Variants in ASAP1 observed in about 807,000 individuals in gnomAD.
ASAP1 encodes the protein ArfGAP with SH3 domain, ankyrin repeat and PH domain 1, also known as arf-GAP with SH3 domain, ANK repeat and PH domain-containing protein 1.
Under a neutral mutation model 145.2 loss-of-function variants are expected in ASAP1, and 43 were observed. The ratio of observed to expected loss-of-function variants is 0.30; its 90% CI spans 0.23 to 0.38. The LOEUF (loss-of-function observed/expected upper bound fraction) is 0.38. ASAP1 is among the 10% of genes least tolerant of loss of function. ASAP1 has a pLI of 1.00. For synonymous variants in ASAP1, 546 were observed against 515.5 expected (o/e 1.06, Z -0.80); for missense variants, 1,018 against 1,355.3 (o/e 0.75, Z 3.91).
chr8:130,390,195 CACT>C (rs900344240), intron 2 of ASAP1, among the ~76,000 whole-genome samples: 1 of 152,190 alleles, frequency 6.6e-6, no homozygotes, highest in Non-Finnish European at 1.5e-5. Flanking sequence ...ACACAGTAGC[CACT>C]ACCTATAGCT....
rs531285116 is a variant in ASAP1 at position 130,432,979 on chromosome 8, C to T, written c.-28+10481G>A. Among the ~76,000 whole-genome samples, 21 of 152,320 alleles carry T rather than the reference C, an allele frequency of 1.4e-4. 1 individual carries two copies. Among genetic ancestry groups the T allele is most frequent in the African/African-American group, 5.1e-4 (21 of 41,562 alleles). The stretch of plus-strand genomic sequence containing the variant: ...GCAACCACTGTCTGCTACACCTGGT[C>T]GCTCACTCGCCCCCGCAGTATGCTG... On this transcript the variant is annotated intron_variant, in intron 1 of 29. Coordinates refer to ENST00000518721, the MANE Select transcript of ASAP1 (RefSeq NM_018482.4).
chr8:130,358,224 C>T lies in ASAP1; in HGVS notation c.60-81G>A. On this transcript the variant is annotated intron_variant, in intron 2 of 29. Transcript: ENST00000518721. The surrounding 1 kb of genome is among the most constrained non-coding windows in gnomAD (Gnocchi z 4.1). Reference sequence around the variant, plus strand: ...CCCGGGGCCGCGGGCCGCCCGGAGGCTCATGAACCCCGGCGCGCAGCCCGC... The same window carrying T: ...CCCGGGGCCGCGGGCCGCCCGGAGGTTCATGAACCCCGGCGCGCAGCCCGC... 8.7e-7 allele frequency: 1 copy of T among 1,152,302 alleles called. No individual in the cohort carries two copies. The highest frequency in any genetic ancestry group is 1.1e-6 in the Non-Finnish European group (1 of 904,162). 71.4% of individuals were successfully genotyped at this position (1,152,302 alleles called of 1,614,324 possible).
intron 3 of ASAP1, among the ~76,000 whole-genome samples, chr8:130,249,713 C>T (rs1371105347): frequency 3.3e-5 from 5 of 152,128 alleles, no homozygotes; most frequent in African/African-American, 1.2e-4. Context: ...ACCAGACACA[C>T]ATATGTATGT....
At chr8:130,335,595 C>T (rs1249004289) in intron 3 of ASAP1, among the ~76,000 whole-genome samples, 2 of 152,174 alleles carry the variant, frequency 1.3e-5, no homozygotes, top group African/African-American at 4.8e-5. Context: ...GAGCATACAA[C>T]CACCCTAGTG....
chr8:130,267,134 CAAA>C (rs990415215), intron 3 of ASAP1, among the ~76,000 whole-genome samples: 4 of 106,428 alleles, frequency 3.8e-5, no homozygotes, highest in African/African-American at 1.1e-4. Context: ...AAAAAAAAAA[CAAA>C]ACAAAAAACA....
intron 11 of ASAP1, among the ~76,000 whole-genome samples, chr8:130,162,732 G>A (rs911623716): frequency 5.9e-5 from 9 of 151,838 alleles, no homozygotes; most frequent in African/African-American, 2.2e-4. Context: ...GCAGAAGAAT[G>A]GCGTGAACCC....
At chr8:130,348,137 C>T (rs1825802085) in intron 3 of ASAP1, among the ~76,000 whole-genome samples, 1 of 152,182 alleles carries the variant, frequency 6.6e-6, no homozygotes, top group South Asian at 2.1e-4. Context: ...GCACTGGAGA[C>T]AAGGCCATTC....
intron 4 of ASAP1, among the ~76,000 whole-genome samples, chr8:130,218,682 T>G (rs1399625024): frequency 6.6e-6 from 1 of 152,122 alleles, no homozygotes; most frequent in Non-Finnish European, 1.5e-5. Context: ...TTCTACAATC[T>G]CATATTTCAC....
At chr8:130,346,328 C>T (rs1825701149) in intron 3 of ASAP1, among the ~76,000 whole-genome samples, 1 of 152,196 alleles carries the variant, frequency 6.6e-6, no homozygotes. Flanking sequence ...CTTCCATGGC[C>T]ATCCGGTTGG....
intron 5 of ASAP1, among the ~76,000 whole-genome samples, chr8:130,202,847 A>G (rs7821176): frequency 0.021 from 3,141 of 152,308 alleles, 50 homozygotes; most frequent in East Asian, 0.065. Context: ...GTTGCTTAAC[A>G]TATCTGTGGC....
At position 130,115,875 on chromosome 8, in the gene ASAP1, A is replaced by T. The variant is rs1005232974; in HGVS notation, c.2065-140T>A. 15 of 651,308 alleles carry T rather than the reference A, an allele frequency of 2.3e-5. No individual in the cohort carries two copies. The African/African-American group carries it at 2.3e-4, about 10-fold the overall frequency. The allele number at this position is 651,308 out of a possible 1,614,324, so 40.3% of individuals were successfully genotyped here. A position where few individuals can be genotyped will look rare whatever the true frequency, so the allele number is the denominator to read the frequency against. Reference sequence around the variant, plus strand: ...GTGTACTATAGGCAACACTCTGCTTAGACAAGCTGCACTGCTATGTGACAG... The same window carrying T: ...GTGTACTATAGGCAACACTCTGCTTTGACAAGCTGCACTGCTATGTGACAG... On this transcript the variant is annotated intron_variant, in intron 22 of 29. Coordinates refer to ENST00000518721, the MANE Select transcript of ASAP1 (RefSeq NM_018482.4).
intron 4 of ASAP1, among the ~76,000 whole-genome samples, chr8:130,235,600 C>A (rs2136658417): frequency 6.6e-6 from 1 of 152,292 alleles, no homozygotes; most frequent in African/African-American, 2.4e-5. Flanking sequence ...AGACCTAAAA[C>A]AACATTTGGT....
At position 130,105,807 on chromosome 8, in the gene ASAP1, GC is replaced by G. The variant is rs550215342; in HGVS notation, c.2401+6286del. Among the ~76,000 whole-genome samples the G allele has an allele frequency of 7.0e-4, 106 of 152,288 alleles. 2 individuals are homozygous for G. The highest frequency in any genetic ancestry group is 5.3e-3 in the Admixed American group (81 of 15,286). On this transcript the variant is annotated intron_variant, in intron 24 of 29. Transcript: ENST00000518721. Reference sequence around the variant, plus strand: ...GGCCAGGATTACAGGACAGGCTGGTGCCCGGGCATGATATGTGCCACATTGC... The same window carrying G: ...GGCCAGGATTACAGGACAGGCTGGTGCCGGGCATGATATGTGCCACATTGC...
chr8:130,186,908 T>A lies in ASAP1; in HGVS notation c.530+328A>T, dbSNP rs1019902489. 4.6e-5 allele frequency among the ~76,000 whole-genome samples: 7 copies of A among 152,166 alleles called. No homozygotes were observed. In the East Asian group the frequency reaches 1.3e-3, roughly 29 times the overall value. ...CCAATTTTTATACTATACAGAAACATAAATGGTCCATAATTACATGCTATC... is the reference window on the plus strand; with the variant it reads ...CCAATTTTTATACTATACAGAAACAAAAATGGTCCATAATTACATGCTATC... On this transcript the variant is annotated intron_variant, in intron 7 of 29. Coordinates refer to ENST00000518721, the MANE Select transcript of ASAP1 (RefSeq NM_018482.4).
In ASAP1 at chr8:130,054,604, T is replaced by A; in HGVS notation, c.*127A>T. ...ATTTACAACACACATTATATCCCCC[T>A]CCTGAGGTGGCCCTTCCATGAGTTT... On this transcript the variant is annotated 3_prime_UTR_variant, in exon 30 of 30. Coordinates refer to ENST00000518721, the MANE Select transcript of ASAP1 (RefSeq NM_018482.4). 1 of 763,550 alleles carries A rather than the reference T, an allele frequency of 1.3e-6. No homozygotes were observed. The highest frequency in any genetic ancestry group is 2.3e-6 in the Non-Finnish European group (1 of 435,154). The allele number at this position is 763,550 out of a possible 1,614,324, so 47.3% of individuals were successfully genotyped here. A position where few individuals can be genotyped will look rare whatever the true frequency, so the allele number is the denominator to read the frequency against.
At chr8:130,405,245 T>C (rs1272707570) in intron 1 of ASAP1, among the ~76,000 whole-genome samples, 1 of 151,614 alleles carries the variant, frequency 6.6e-6, no homozygotes, top group Non-Finnish European at 1.5e-5. Flanking sequence ...ACAACAATCC[T>C]GCAAGGGAGA....
intron 3 of ASAP1, among the ~76,000 whole-genome samples, chr8:130,283,916 T>G (rs561357003): frequency 7.4e-4 from 113 of 152,214 alleles, no homozygotes; most frequent in African/African-American, 2.6e-3. Flanking sequence ...CAGAAACTCA[T>G]CAGATGTAGG....
chr8:130,058,119 ATGG>A (rs1295778972), intron 28 of ASAP1, 43 bp from the exon 29 acceptor site: 1 of 1,601,732 alleles, frequency 6.2e-7, no homozygotes, highest in Admixed American at 1.7e-5. Context: ...AATGGACTGA[ATGG>A]AAAAAAAGAG....
In ASAP1 at chr8:130,358,269, C is replaced by G; in HGVS notation, c.60-126G>C. The G allele has an allele frequency of 1.5e-6, 1 of 649,368 alleles. No homozygotes were observed. Among genetic ancestry groups the G allele is most frequent in the Non-Finnish European group, 2.0e-6 (1 of 502,754 alleles). The allele number at this position is 649,368 out of a possible 1,614,324, so 40.2% of individuals were successfully genotyped here. On this transcript the variant is annotated intron_variant, in intron 2 of 29. Transcript: ENST00000518721. The surrounding 1 kb of genome is among the most constrained non-coding windows in gnomAD (Gnocchi z 4.1). ...GCCCGCCACCCGCCGCCCGGCCTGG[C>G]GCGCGGCTCCCGTCCCCGGCAGCGG...
Sources: allele counts gnomAD v4.1 joint callset (sites outside exome capture counted in the v4.1 genomes callset), GRCh38; gene constraint gnomAD v4.1.1; non-coding constraint Gnocchi (gnomAD v3.1); transcripts MANE v1.5; gene names NCBI Gene and HGNC (gene_info 2026-07-23, HGNC 2026-07-21).